PTPRD: variants seen among roughly 807,000 people sequenced by gnomAD.
PTPRD encodes protein tyrosine phosphatase receptor type D.
In PTPRD, 34 loss-of-function variants were observed where a neutral mutation model predicts 214.5. The ratio of observed to expected loss-of-function variants is 0.16; its 90% CI spans 0.12 to 0.21. The LOEUF (loss-of-function observed/expected upper bound fraction) is 0.21, where lower values mean the gene tolerates loss of function less well. Ranked by LOEUF, PTPRD falls within the 10% of genes least tolerant of loss-of-function variation. The pLI is 1.00. For missense variants in PTPRD, 2,545 were observed against 2,398.7 expected (o/e 1.06, Z -1.27); for synonymous variants, 1,128 against 845.7 (o/e 1.33, Z -5.79).
intron 37 of PTPRD, among the ~76,000 whole-genome samples, chr9:8,385,113 G>C (rs181470642): frequency 1.2e-4 from 19 of 152,336 alleles, no homozygotes; most frequent in Admixed American, 1.2e-3. Flanking sequence ...ACAGATGCTA[G>C]TGAAACTTCT....
intron 2 of PTPRD, among the ~76,000 whole-genome samples, chr9:10,555,414 C>A (rs1182731161): frequency 6.6e-6 from 1 of 152,170 alleles, no homozygotes; most frequent in Non-Finnish European, 1.5e-5. Context: ...ACCTATTACA[C>A]AATAGCAGTT....
In PTPRD at chr9:8,448,660, C is replaced by T. The variant is rs189046224; in HGVS notation, c.3988+1065G>A. On this transcript the variant is annotated intron_variant, in intron 34 of 45. Transcript: ENST00000381196. Reference sequence around the variant, plus strand: ...ACATTATGATGCTTGTATAGCCACACTGAAAATGCTAAACATTTCTTTCAA... The same window carrying T: ...ACATTATGATGCTTGTATAGCCACATTGAAAATGCTAAACATTTCTTTCAA... Among the ~76,000 whole-genome samples, 94 of 152,248 alleles carry T rather than the reference C, an allele frequency of 6.2e-4. 1 individual carries two copies. Among genetic ancestry groups the T allele is most frequent in the African/African-American group, 2.1e-3 (86 of 41,550 alleles).
intron 5 of PTPRD, among the ~76,000 whole-genome samples, chr9:9,794,831 T>C (rs970057803): frequency 2.0e-5 from 3 of 152,176 alleles, no homozygotes; most frequent in African/African-American, 7.2e-5. Flanking sequence ...CTGACTAGAA[T>C]GGTGTTTTAA....
intron 3 of PTPRD, among the ~76,000 whole-genome samples, chr9:10,214,268 TTTTG>T (rs527962731): frequency 1.8e-4 from 27 of 151,766 alleles, no homozygotes; most frequent in South Asian, 8.3e-4. Flanking sequence ...AATTAATTCT[TTTTG>T]TTTGTTTGTT....
chr9:10,048,687 C>T (rs919240477), intron 3 of PTPRD, among the ~76,000 whole-genome samples: 5 of 152,004 alleles, frequency 3.3e-5, no homozygotes, highest in African/African-American at 1.2e-4. Context: ...AAAGTAGTTT[C>T]CTATAACTTT....
At chr9:8,327,754 CTCT>C (rs1282579974) in intron 44 of PTPRD, among the ~76,000 whole-genome samples, 2 of 152,178 alleles carry the variant, frequency 1.3e-5, no homozygotes, top group Non-Finnish European at 2.9e-5. Context: ...GGATACTTAG[CTCT>C]TCTTATTGCA....
intron 9 of PTPRD, among the ~76,000 whole-genome samples, chr9:9,239,289 G>C (rs1460274962): frequency 6.6e-6 from 1 of 151,712 alleles, no homozygotes; most frequent in East Asian, 1.9e-4. Context: ...GATAATCCTT[G>C]GTAAATAAAG....
intron 11 of PTPRD, among the ~76,000 whole-genome samples, chr9:8,832,408 A>ATAT (rs1555402610): frequency 1.6e-5 from 1 of 62,942 alleles, no homozygotes; most frequent in Non-Finnish European, 3.1e-5. Context: ...AGCTAAAATC[A>ATAT]TCTTTTTTTT....
chr9:9,152,346 G>C (rs1037262126), intron 10 of PTPRD, among the ~76,000 whole-genome samples: 2 of 152,236 alleles, frequency 1.3e-5, no homozygotes, highest in African/African-American at 4.8e-5. Flanking sequence ...ATTCTGCCCT[G>C]TATACCCAGG....
At position 9,640,152 on chromosome 9, in the gene PTPRD, T is replaced by C. The variant is rs558749259; in HGVS notation, c.-286-65371A>G. On this transcript the variant is annotated intron_variant, in intron 7 of 45. Coordinates refer to ENST00000381196, the MANE Select transcript of PTPRD (RefSeq NM_002839.4). ...CCTTGATTCAAGAGCAGATATGTGG[T>C]GTTGGGCAAAATAAATCAGAGTACC... Among the ~76,000 whole-genome samples the C allele has an allele frequency of 2.5e-4, 38 of 152,246 alleles. No homozygotes were observed. In the South Asian group the frequency reaches 7.7e-3, roughly 31 times the overall value.
At chr9:10,156,977 G>T (rs1442138640) in intron 3 of PTPRD, among the ~76,000 whole-genome samples, 2 of 151,976 alleles carry the variant, frequency 1.3e-5, no homozygotes, top group African/African-American at 4.8e-5. Context: ...TTTTCCATTT[G>T]CCTGGCAGAT....
At chr9:9,034,703 T>A (rs1477947728) in intron 10 of PTPRD, among the ~76,000 whole-genome samples, 1 of 152,130 alleles carries the variant, frequency 6.6e-6, no homozygotes, top group Non-Finnish European at 1.5e-5. Context: ...GCTCCCCATT[T>A]ACTAGCTCTG....
intron 3 of PTPRD, among the ~76,000 whole-genome samples, chr9:10,116,515 TAC>T (rs1421692628): frequency 1.3e-5 from 2 of 152,156 alleles, no homozygotes; most frequent in Admixed American, 1.3e-4. Flanking sequence ...TAGCATTGAA[TAC>T]ACACATTGTT....
intron 9 of PTPRD, among the ~76,000 whole-genome samples, chr9:9,271,652 A>T (rs1167816455): frequency 1.3e-5 from 2 of 151,410 alleles, no homozygotes; most frequent in Admixed American, 1.3e-4. Context: ...TTCTATAAAC[A>T]GTCTGCAAAA....
At chr9:9,796,840 A>G (rs1221023134) in intron 5 of PTPRD, among the ~76,000 whole-genome samples, 3 of 152,210 alleles carry the variant, frequency 2.0e-5, no homozygotes, top group African/African-American at 7.2e-5. Context: ...TTTGGCATAT[A>G]CAAAGCTACA....
At chr9:9,812,863 G>A (rs1298917772) in intron 5 of PTPRD, among the ~76,000 whole-genome samples, 1 of 152,030 alleles carries the variant, frequency 6.6e-6, no homozygotes, top group African/African-American at 2.4e-5. Context: ...ATATTCTCCA[G>A]GGTATATTGT....
chr9:10,390,941 T>C (rs940664867), intron 2 of PTPRD, among the ~76,000 whole-genome samples: 2 of 151,832 alleles, frequency 1.3e-5, no homozygotes, highest in African/African-American at 4.8e-5. Context: ...TCTGTCAATG[T>C]CCCCAGCTAA....
intron 37 of PTPRD, among the ~76,000 whole-genome samples, chr9:8,389,023 A>T (rs909028799): frequency 2.1e-5 from 3 of 145,686 alleles, no homozygotes; most frequent in African/African-American, 5.1e-5. Flanking sequence ...AACCACACAC[A>T]TCATAACATG....
chr9:8,504,150 G>A, intron 23 of PTPRD, 111 bp downstream of exon 23: 1 of 1,096,886 alleles, frequency 9.1e-7, no homozygotes, highest in Non-Finnish European at 1.4e-6. Context: ...TACTAACCTA[G>A]AGACTAACTA....
Sources: gnomAD v4.1 joint callset for allele counts (sites outside exome capture counted in the v4.1 genomes callset) on GRCh38, gnomAD v4.1.1 for gene constraint, MANE v1.5 for transcripts, NCBI Gene and HGNC (gene_info 2026-07-23, HGNC 2026-07-21) for gene names.